Variants in SMARCAD1 observed in about 807,000 individuals in gnomAD.
SMARCAD1 encodes SWI/SNF-related matrix-associated actin-dependent regulator of chromatin subfamily A containing DEAD/H box 1.
Under a neutral mutation model 127.1 loss-of-function variants are expected in SMARCAD1, and 25 were observed. The observed-to-expected ratio is 0.20, with a 90% confidence interval of 0.14 to 0.27. SMARCAD1 has a LOEUF of 0.27. SMARCAD1 is among the 10% of genes least tolerant of loss of function. SMARCAD1 has a pLI of 1.00. For missense variants in SMARCAD1, 807 were observed against 1,206.0 expected, an observed-to-expected ratio of 0.67 and a Z score of 4.90; for synonymous variants, 400 against 396.9, an observed-to-expected ratio of 1.01 and a Z score of -0.09.
At position 94,235,151 on chromosome 4, in the gene SMARCAD1, C is replaced by T. The variant is rs145067057; in HGVS notation, c.537+1029C>T. ...TATATTTATGAAATAATGCAACTGA[C>T]TCCCAAAAGAAACCTTATATCCATT... On this transcript the variant is annotated intron_variant, in intron 4 of 23. Coordinates refer to ENST00000354268, the MANE Select transcript of SMARCAD1 (RefSeq NM_020159.5). Among the ~76,000 whole-genome samples, 1,133 of 150,872 alleles carry T rather than the reference C, an allele frequency of 7.5e-3. 7 individuals are homozygous for T. The highest frequency in any genetic ancestry group is 0.026 in the African/African-American group (1,058 of 41,072).
chr4:94,217,449 G>A (rs527846584), intron 2 of SMARCAD1, among the ~76,000 whole-genome samples: 18 of 152,054 alleles, frequency 1.2e-4, no homozygotes, highest in Non-Finnish European at 2.2e-4. Context: ...TGTTTTTGTT[G>A]TTGTTGTTTT....
At chr4:94,235,953 G>C (rs1477427625) in intron 4 of SMARCAD1, among the ~76,000 whole-genome samples, 1 of 151,974 alleles carries the variant, frequency 6.6e-6, no homozygotes, top group South Asian at 2.1e-4. Context: ...ACACACTCCA[G>C]AGCACTCTCT....
intron 10 of SMARCAD1, among the ~76,000 whole-genome samples, chr4:94,269,197 T>G (rs1273600318): frequency 6.6e-6 from 1 of 152,230 alleles, no homozygotes; most frequent in Non-Finnish European, 1.5e-5. Context: ...ATCATTCAAC[T>G]ACCTGTTCTT....
chr4:94,250,565 T>C (rs1749134860), intron 7 of SMARCAD1, among the ~76,000 whole-genome samples, 187 bp from the exon 8 acceptor site: 1 of 152,134 alleles, frequency 6.6e-6, no homozygotes, highest in Non-Finnish European at 1.5e-5. Flanking sequence ...CTTTGAAGAC[T>C]ATTGTGTATT....
In SMARCAD1 at chr4:94,278,487, G is replaced by A. The variant is rs1339112376; in HGVS notation, c.2148G>A (p.Lys716=). The change falls in exon 17 of 24, where the codon AAG becomes AAA. Residue 716 remains lysine (K), a synonymous_variant. Coordinates refer to ENST00000354268, the MANE Select transcript of SMARCAD1 (RefSeq NM_020159.5). Reference sequence around the variant, plus strand: ...TAGCACATGCAAAACAAATTATAAAGCCATTTATTCTCAGAAGAGTAAAAG... The same window carrying A: ...TAGCACATGCAAAACAAATTATAAAACCATTTATTCTCAGAAGAGTAAAAG... ...ERIAHAKQII[K]PFILRRVKEE... is the part of the protein sequence containing the mutation. 1.2e-6 allele frequency: 2 copies of A among 1,613,496 alleles called. No homozygotes were observed.
At chr4:94,284,363 A>G (rs1399442486) in intron 22 of SMARCAD1, among the ~76,000 whole-genome samples, 1 of 122,448 alleles carries the variant, frequency 8.2e-6, no homozygotes, top group East Asian at 2.8e-4. Context: ...AGAAAAAAGT[A>G]ATTTCCATCT....
chr4:94,258,840 T>C (rs1026255432), intron 9 of SMARCAD1, among the ~76,000 whole-genome samples: 14 of 152,376 alleles, frequency 9.2e-5, no homozygotes, highest in Non-Finnish European at 1.8e-4. Context: ...GCTGCAGATA[T>C]TCACAATAAT....
chr4:94,276,084 A>AAAAGGCTGTAAAAG (rs1753263266), intron 14 of SMARCAD1, among the ~76,000 whole-genome samples: 2 of 152,088 alleles, frequency 1.3e-5, no homozygotes, highest in Non-Finnish European at 2.9e-5. Flanking sequence ...GGTGTGAGCC[A>AAAAGGCTGTAAAAG]CCGCTCCCAG....
At chr4:94,284,313 C>G (rs1754545033) in intron 22 of SMARCAD1, among the ~76,000 whole-genome samples, 1 of 98,318 alleles carries the variant, frequency 1.0e-5, no homozygotes, top group South Asian at 3.4e-4. Flanking sequence ...GGTGACGGAG[C>G]AAGACTCCGT....
chr4:94,271,414 A>G (rs1752521411), intron 11 of SMARCAD1, among the ~76,000 whole-genome samples: 1 of 152,162 alleles, frequency 6.6e-6, no homozygotes, highest in Admixed American at 6.5e-5. Flanking sequence ...TGGAAACTTG[A>G]CCTTTAATCT....
intron 3 of SMARCAD1, among the ~76,000 whole-genome samples, chr4:94,231,155 G>C (rs1745781435): frequency 6.6e-6 from 1 of 152,170 alleles, no homozygotes; most frequent in Non-Finnish European, 1.5e-5. Flanking sequence ...AAATGGAGGA[G>C]AATGGGGTTT....
At chr4:94,258,925 G>T (rs1041765305) in intron 9 of SMARCAD1, among the ~76,000 whole-genome samples, 2 of 152,180 alleles carry the variant, frequency 1.3e-5, no homozygotes, top group African/African-American at 4.8e-5. Flanking sequence ...TGTCCACTAA[G>T]TTCTAGCCAT....
At chr4:94,247,966 A>T (rs977953134) in intron 6 of SMARCAD1, among the ~76,000 whole-genome samples, 3 of 152,166 alleles carry the variant, frequency 2.0e-5, no homozygotes, top group Admixed American at 1.3e-4. Flanking sequence ...ATAGTACTCC[A>T]TAGGTAGTTT....
intron 22 of SMARCAD1, among the ~76,000 whole-genome samples, chr4:94,284,576 GTTT>G (rs1553922093): frequency 5.9e-5 from 8 of 135,290 alleles, no homozygotes; most frequent in Admixed American, 7.2e-5. Context: ...TTTGGTTTTT[GTTT>G]TTTTTTTTTT....
At chr4:94,272,855 G>T in intron 11 of SMARCAD1, among the ~76,000 whole-genome samples, 1 of 151,882 alleles carries the variant, frequency 6.6e-6, no homozygotes, top group Non-Finnish European at 1.5e-5. Context: ...CACCCAGGCT[G>T]GAGTGCAGCG....
Position 94,207,944 on chromosome 4 carries a change from C to T in SMARCAD1, c.-176C>T. On this transcript the variant is annotated 5_prime_UTR_variant, in exon 1 of 24. Transcript: ENST00000354268. Reference sequence around the variant, plus strand: ...TGGCCCCTTTGTGTCCCCGCAGTGTCGAGGCGCGGGCCCTGGCAGGTCCTT... The same window carrying T: ...TGGCCCCTTTGTGTCCCCGCAGTGTTGAGGCGCGGGCCCTGGCAGGTCCTT... 2.8e-6 allele frequency: 1 copy of T among 357,058 alleles called. No individual in the cohort carries two copies. Among genetic ancestry groups the T allele is most frequent in the East Asian group, 7.4e-5 (1 of 13,474 alleles). The allele number at this position is 357,058 out of a possible 1,614,324, so 22.1% of individuals were successfully genotyped here. A position where few individuals can be genotyped will look rare whatever the true frequency, so the allele number is the denominator to read the frequency against.
Position 94,208,471 on chromosome 4 carries a change from A to C in SMARCAD1, c.77A>C (p.Gln26Pro). 6.2e-7 allele frequency: 1 copy of C among 1,614,096 alleles called. No individual in the cohort carries two copies. The highest frequency in any genetic ancestry group is 8.5e-7 in the Non-Finnish European group (1 of 1,180,012). ...GAGGAAGCGCCCGAAGCAACCCCTC[A>C]ACCTTCCCAGCCTGGCCCTTCTTCA... ...KIEEAPEATP[Q>P]PSQPGPSSPI... The change falls in exon 2 of 24, where the codon CAA becomes CCA. Residue 26 changes from glutamine (Q) to proline (P), a missense_variant. Coordinates refer to ENST00000354268, the MANE Select transcript of SMARCAD1 (RefSeq NM_020159.5).
intron 2 of SMARCAD1, among the ~76,000 whole-genome samples, chr4:94,219,037 C>A (rs962043680): frequency 2.0e-5 from 3 of 152,150 alleles, no homozygotes; most frequent in African/African-American, 7.2e-5. Context: ...GTCTCGAACT[C>A]CTGACCTCAA....
Position 94,280,773 on chromosome 4 carries a change from AACAG to A in SMARCAD1, c.2602_2605del (p.Gln868ArgfsTer13). The A allele has an allele frequency of 6.2e-7, 1 of 1,613,518 alleles. No individual in the cohort carries two copies. Among genetic ancestry groups the A allele is most frequent in the Non-Finnish European group, 8.5e-7 (1 of 1,179,766 alleles). On this transcript the variant is annotated frameshift_variant, in exon 20 of 24. Transcript: ENST00000354268. LOFTEE classifies it high-confidence loss of function. ...TTAGGATGCATCTTGTCTGAATTGA[AACAG>A]AAGGTATTAAAAAAGAATGGCGTTT...
Sources: allele counts gnomAD v4.1 joint callset (sites outside exome capture counted in the v4.1 genomes callset), GRCh38; gene constraint gnomAD v4.1.1; transcripts MANE v1.5; gene names NCBI Gene and HGNC (gene_info 2026-07-23, HGNC 2026-07-21).